Variants in CSMD1 observed in about 807,000 individuals in gnomAD.
CSMD1 encodes the protein CUB and sushi domain-containing protein 1.
A neutral mutation model predicts 417.5 loss-of-function variants in CSMD1; 213 were observed. That is an observed-to-expected ratio of 0.51 (90% CI 0.46 to 0.57). The LOEUF (loss-of-function observed/expected upper bound fraction) is 0.57. Ranked by LOEUF, CSMD1 falls within the 20% of genes least tolerant of loss-of-function variation. CSMD1 has a pLI of 0.00. For missense variants in CSMD1, 6,923 were observed against 4,529.7 expected, an observed-to-expected ratio of 1.53 and a Z score of -15.17; for synonymous variants, 2,862 against 1,736.8, an observed-to-expected ratio of 1.65 and a Z score of -16.11.
At chr8:4,252,778 G>T (rs57149374) in intron 3 of CSMD1, among the ~76,000 whole-genome samples, 6 of 152,116 alleles carry the variant, frequency 3.9e-5, no homozygotes, top group African/African-American at 1.4e-4. Context: ...ATACACCACT[G>T]ACATTTATGC....
In CSMD1 at chr8:3,387,646, C is replaced by A; in HGVS notation, c.2630G>T (p.Gly877Val). The A allele has an allele frequency of 6.2e-7, 1 of 1,600,052 alleles. No homozygotes were observed. The highest frequency in any genetic ancestry group is 8.5e-7 in the Non-Finnish European group (1 of 1,173,106). Residue 877 changes from glycine (G) to valine (V), a missense_variant, in exon 18 of 70, where the codon GGC becomes GTC. Transcript: ENST00000635120. ...TLESDSCLDP[G>V]IPVNGHRHGG... The stretch of plus-strand genomic sequence containing the variant: ...GTGGCGATGGCCGTTCACAGGGATG[C>A]CCGGGTCCAGGCAGGAATCCGACTC...
chr8:4,274,796 T>C (rs769833232), intron 3 of CSMD1, among the ~76,000 whole-genome samples: 2 of 152,130 alleles, frequency 1.3e-5, no homozygotes, highest in African/African-American at 2.4e-5. Context: ...TGGAAAAATA[T>C]TGCCACCCTC....
chr8:3,411,754 ATATACGTG>A (rs1812730636), intron 12 of CSMD1, among the ~76,000 whole-genome samples: 1 of 132,320 alleles, frequency 7.6e-6, no homozygotes, highest in Non-Finnish European at 1.6e-5. Flanking sequence ...ATACACGTGT[ATATACGTG>A]TATATACGTG....
intron 54 of CSMD1, among the ~76,000 whole-genome samples, chr8:2,996,625 ATACTTCC>A (rs1351668910): frequency 6.6e-6 from 1 of 152,182 alleles, no homozygotes; most frequent in Non-Finnish European, 1.5e-5. Context: ...GCCCTGCTCC[ATACTTCC>A]TAAAACACCA....
intron 2 of CSMD1, among the ~76,000 whole-genome samples, chr8:4,424,389 G>A (rs1294137673): frequency 6.6e-6 from 1 of 151,756 alleles, no homozygotes; most frequent in Non-Finnish European, 1.5e-5. Flanking sequence ...AAGCAGAAAA[G>A]TCAGGTGACC....
chr8:3,586,055 C>T, intron 9 of CSMD1, 81 bp downstream of exon 9: 1 of 1,409,112 alleles, frequency 7.1e-7, no homozygotes, highest in Non-Finnish European at 9.6e-7. Flanking sequence ...CACAATGCTT[C>T]ATGCTTAAAT....
chr8:3,928,533 G>T, intron 5 of CSMD1, among the ~76,000 whole-genome samples: 1 of 135,908 alleles, frequency 7.4e-6, no homozygotes, highest in South Asian at 2.4e-4. Context: ...AGGTTTCACG[G>T]CCGTTTGTAG....
intron 31 of CSMD1, among the ~76,000 whole-genome samples, chr8:3,203,190 G>A (rs1797081428): frequency 2.0e-5 from 3 of 152,190 alleles, no homozygotes; most frequent in South Asian, 2.1e-4. Context: ...ATGCTCTAAC[G>A]TGTTTGGTAA....
intron 39 of CSMD1, among the ~76,000 whole-genome samples, chr8:3,154,687 C>A (rs746027186): frequency 6.6e-6 from 1 of 152,122 alleles, no homozygotes; most frequent in South Asian, 2.1e-4. Context: ...TAGAAAACTG[C>A]GAGACCATTC....
At chr8:3,954,736 G>A (rs562101122) in intron 5 of CSMD1, among the ~76,000 whole-genome samples, 2 of 152,210 alleles carry the variant, frequency 1.3e-5, no homozygotes, top group Non-Finnish European at 2.9e-5. Context: ...CATGCGCAGA[G>A]CCCTCCTTGC....
chr8:4,415,606 T>C (rs1235270706), intron 3 of CSMD1, among the ~76,000 whole-genome samples: 2 of 152,192 alleles, frequency 1.3e-5, no homozygotes, highest in African/African-American at 4.8e-5. Context: ...TCTCCTTCAC[T>C]AGTCACTGAC....
At chr8:4,717,814 T>A (rs74583114) in intron 1 of CSMD1, among the ~76,000 whole-genome samples, 4 of 152,126 alleles carry the variant, frequency 2.6e-5, no homozygotes, top group African/African-American at 9.7e-5. Context: ...CCCTTTCAGA[T>A]CTTACCGCCA....
intron 5 of CSMD1, among the ~76,000 whole-genome samples, chr8:3,757,354 T>C (rs1218516575): frequency 6.6e-5 from 10 of 152,220 alleles, no homozygotes; most frequent in Non-Finnish European, 2.9e-5. Context: ...AGTTGGCAAG[T>C]AGCCATAAAA....
intron 26 of CSMD1, among the ~76,000 whole-genome samples, chr8:3,242,808 G>A (rs1303633619): frequency 8.3e-5 from 3 of 36,092 alleles, no homozygotes; most frequent in Non-Finnish European, 1.5e-4. Flanking sequence ...GGGTTGGGGC[G>A]CAGAAATAAG....
chr8:4,025,050 T>A (rs556527301), intron 4 of CSMD1, among the ~76,000 whole-genome samples: 1 of 152,222 alleles, frequency 6.6e-6, no homozygotes, highest in African/African-American at 2.4e-5. Context: ...CGGGACAACA[T>A]CAGACTAATA....
rs545696271 is a variant in CSMD1 at position 4,591,286 on chromosome 8, C to A, written c.302+46056G>T. 2.5e-4 allele frequency among the ~76,000 whole-genome samples: 38 copies of A among 152,304 alleles called. No individual in the cohort carries two copies. The South Asian group carries it at 4.8e-3, about 19-fold the overall frequency. On this transcript the variant is annotated intron_variant, in intron 2 of 69. Transcript: ENST00000635120. ...AAGAGCCAAATGTGAAGTACGAAGTCGAACAAAGACCCAGAGGAAGAAGTG... is the reference window on the plus strand; with the variant it reads ...AAGAGCCAAATGTGAAGTACGAAGTAGAACAAAGACCCAGAGGAAGAAGTG...
chr8:4,617,483 A>C (rs1305118063), intron 2 of CSMD1, among the ~76,000 whole-genome samples: 1 of 152,194 alleles, frequency 6.6e-6, no homozygotes, highest in South Asian at 2.1e-4. Context: ...AAAGGTAAAC[A>C]TTCTGGTAAA....
intron 3 of CSMD1, among the ~76,000 whole-genome samples, chr8:4,223,357 C>A (rs1328488327): frequency 6.6e-6 from 1 of 152,260 alleles, no homozygotes; most frequent in African/African-American, 2.4e-5. Context: ...TAAACTCCTA[C>A]CTGTAGTCCA....
At chr8:3,916,908 TA>T (rs10706011) in intron 5 of CSMD1, among the ~76,000 whole-genome samples, 58,445 of 151,600 alleles carry the variant, frequency 0.39, 12,228 homozygotes, top group South Asian at 0.57. Context: ...TGAGACATAT[TA>T]AAAAAAATAA....
Sources: gnomAD v4.1 joint callset for allele counts (sites outside exome capture counted in the v4.1 genomes callset) on GRCh38, gnomAD v4.1.1 for gene constraint, MANE v1.5 for transcripts, NCBI Gene and HGNC (gene_info 2026-07-23, HGNC 2026-07-21) for gene names.